C2orf15: variants seen among roughly 807,000 people sequenced by gnomAD.
C2orf15 encodes chromosome 2 open reading frame 15, also known as uncharacterized protein C2orf15.
C2orf15 carries 3 observed loss-of-function variants against 4.4 expected under a neutral mutation model. The ratio of observed to expected loss-of-function variants is 0.67; its 90% CI spans 0.31 to 1.74. The LOEUF (loss-of-function observed/expected upper bound fraction) is 1.74, where lower values mean the gene tolerates loss of function less well. Ranked by LOEUF, C2orf15 falls within the 40% of genes most tolerant of loss-of-function variation. C2orf15 has a pLI of 0.09. For synonymous variants in C2orf15, 37 were observed against 36.8 expected (o/e 1.00, Z -0.02); for missense variants, 90 against 103.3 (o/e 0.87, Z 0.56).
chr2:99,143,634 C>CTAATTTTTGTA (rs2093601463), intron 2 of C2orf15, among the ~76,000 whole-genome samples: 1 of 151,762 alleles, frequency 6.6e-6, no homozygotes, highest in Non-Finnish European at 1.5e-5. Flanking sequence ...CCATGCCCAG[C>CTAATTTTTGTA]TAATTTTTGT....
chr2:99,146,341 C>T (rs923321875), intron 2 of C2orf15, among the ~76,000 whole-genome samples: 4 of 152,090 alleles, frequency 2.6e-5, no homozygotes, highest in Non-Finnish European at 4.4e-5. Flanking sequence ...TTTTCTTTTT[C>T]CTTGCTAATT....
chr2:99,148,308 T>G (rs2093652758), intron 3 of C2orf15: 1 of 152,232 alleles, frequency 6.6e-6, no homozygotes. Flanking sequence ...TATTAGATAT[T>G]CCTTTGATGA....
At chr2:99,150,211 A>G (rs2093679119) in intron 3 of C2orf15, among the ~76,000 whole-genome samples, 1 of 152,244 alleles carries the variant, frequency 6.6e-6, no homozygotes, top group African/African-American at 2.4e-5. Flanking sequence ...AGGTTTCGCT[A>G]GCAAGAATGA....
intron 3 of C2orf15, among the ~76,000 whole-genome samples, chr2:99,147,695 G>A (rs888776391): frequency 6.6e-6 from 1 of 152,084 alleles, no homozygotes; most frequent in African/African-American, 2.4e-5. Context: ...TAAACCTACA[G>A]AAATGTAATA....
intron 2 of C2orf15, among the ~76,000 whole-genome samples, chr2:99,143,444 C>G (rs2093598673): frequency 6.6e-6 from 1 of 151,352 alleles, no homozygotes; most frequent in Admixed American, 6.6e-5. Flanking sequence ...CAGGTGTGAG[C>G]CACTGCGCCC....
In C2orf15 at chr2:99,147,506, G is replaced by C. The variant is rs1392428622; in HGVS notation, c.-77+13G>C. ...TGGGGAAGTTAAGGTAAGACTCACA[G>C]GGCCAAGTCTACCCTATTATACTTG... On this transcript the variant is annotated intron_variant, in intron 3 of 3. Transcript: ENST00000650052. The C allele has an allele frequency of 1.2e-6, 2 of 1,613,194 alleles. No individual in the cohort carries two copies. The highest frequency in any genetic ancestry group is 1.7e-6 in the Non-Finnish European group (2 of 1,179,332).
intron 2 of C2orf15, among the ~76,000 whole-genome samples, chr2:99,145,630 C>T (rs2093624116): frequency 6.6e-6 from 1 of 152,120 alleles, no homozygotes; most frequent in Admixed American, 6.6e-5. Flanking sequence ...TTTTCCCACC[C>T]TCAGAGTCAG....
At chr2:99,142,438 G>A (rs919008093) in intron 2 of C2orf15, 37 bp downstream of exon 2, 4 of 152,152 alleles carry the variant, frequency 2.6e-5, no homozygotes, top group Non-Finnish European at 4.4e-5. Flanking sequence ...GATATCATTG[G>A]CAGGGATAAA....
intron 2 of C2orf15, among the ~76,000 whole-genome samples, chr2:99,145,080 G>A (rs2093618716): frequency 1.3e-5 from 2 of 152,114 alleles, no homozygotes; most frequent in Non-Finnish European, 1.5e-5. Context: ...AAGATGTCAG[G>A]CAGGTCTACA....
intron 2 of C2orf15, among the ~76,000 whole-genome samples, chr2:99,142,607 A>C (rs903845155): frequency 3.3e-5 from 5 of 152,266 alleles, no homozygotes; most frequent in African/African-American, 1.2e-4. Flanking sequence ...TACCAAAAAA[A>C]ATTAAGTGTC....
intron 2 of C2orf15, among the ~76,000 whole-genome samples, chr2:99,146,200 G>A (rs1202851299): frequency 6.6e-6 from 1 of 152,190 alleles, no homozygotes; most frequent in Admixed American, 6.5e-5. Context: ...GGAGAATCAT[G>A]TGAACCCAGA....
chr2:99,146,760 C>T (rs1354828783), intron 2 of C2orf15, among the ~76,000 whole-genome samples: 1 of 152,134 alleles, frequency 6.6e-6, no homozygotes, highest in Non-Finnish European at 1.5e-5. Context: ...TCCTGAGTAG[C>T]TGGAATTACA....
At chr2:99,142,945 G>T (rs1040191201) in intron 2 of C2orf15, among the ~76,000 whole-genome samples, 38 of 151,960 alleles carry the variant, frequency 2.5e-4, no homozygotes, top group Non-Finnish European at 2.5e-4. Context: ...CACCTAGACG[G>T]TACTGAAGAT....
At chr2:99,143,296 T>C (rs2093595284) in intron 2 of C2orf15, among the ~76,000 whole-genome samples, 1 of 149,300 alleles carries the variant, frequency 6.7e-6, no homozygotes, top group Non-Finnish European at 1.5e-5. Context: ...CGCCCACTAC[T>C]ACGCCCAGCT....
At chr2:99,146,016 G>A (rs1028125822) in intron 2 of C2orf15, among the ~76,000 whole-genome samples, 5 of 152,082 alleles carry the variant, frequency 3.3e-5, no homozygotes, top group Admixed American at 3.3e-4. Flanking sequence ...AGGTACGGTG[G>A]CTCATGCTGT....
At chr2:99,148,479 T>C (rs945871773) in intron 3 of C2orf15, 1 of 152,182 alleles carries the variant, frequency 6.6e-6, no homozygotes, top group African/African-American at 2.4e-5. Context: ...TTTGAGTAAG[T>C]ACTATATTTA....
rs2093631653 is a variant in C2orf15 at position 99,146,323 on chromosome 2, C to A, written c.-168-1079C>A. Among the ~76,000 whole-genome samples, 5 of 152,222 alleles carry A rather than the reference C, an allele frequency of 3.3e-5. No individual in the cohort carries two copies. The South Asian group carries it at 1.0e-3, about 32-fold the overall frequency. On this transcript the variant is annotated intron_variant, in intron 2 of 3. Coordinates refer to ENST00000650052, the MANE Select transcript of C2orf15 (RefSeq NM_144706.4). ...GTTTTTATATCCTTTGCCCATTTTT[C>A]TATTGGGTTTTCTTTTTCCTTGCTA... is the stretch of plus-strand genomic sequence containing the variant.
At chr2:99,144,188 T>C (rs193002295) in intron 2 of C2orf15, among the ~76,000 whole-genome samples, 1,634 of 151,972 alleles carry the variant, frequency 0.011, 9 homozygotes, top group Middle Eastern at 0.027. Flanking sequence ...GCCCGGCTAA[T>C]TTTTTTGTAT....
Position 99,150,511 on chromosome 2 carries a change from C to A in C2orf15, c.-48C>A. ...TCAAGTTGAAGAAACACTTCCACTA[C>A]TTAAAAAGGTACCTGCAAATTACTT... On this transcript the variant is annotated 5_prime_UTR_variant, in exon 4 of 4. Transcript: ENST00000650052. 1 of 1,572,282 alleles carries A rather than the reference C, an allele frequency of 6.4e-7. No homozygotes were observed. The highest frequency in any genetic ancestry group is 1.9e-5 in the Admixed American group (1 of 52,938).
Sources: allele counts gnomAD v4.1 joint callset (sites outside exome capture counted in the v4.1 genomes callset), GRCh38; gene constraint gnomAD v4.1.1; transcripts MANE v1.5; gene names NCBI Gene and HGNC (gene_info 2026-07-23, HGNC 2026-07-21).